Variants in PRR12 observed in about 807,000 individuals in gnomAD.
PRR12 encodes proline rich 12.
In PRR12, 12 loss-of-function variants were observed where a neutral mutation model predicts 138.0. The ratio of observed to expected loss-of-function variants is 0.09; its 90% CI spans 0.06 to 0.14. The LOEUF is 0.14. PRR12 is among the 10% of genes least tolerant of loss of function. PRR12 has a pLI of 1.00. For missense variants in PRR12, 2,692 were observed against 2,861.3 expected (o/e 0.94, Z 1.35); for synonymous variants, 1,567 against 1,291.7 (o/e 1.21, Z -4.57).
Position 49,597,545 on chromosome 19 carries a change from G to A in PRR12, c.3210G>A (p.Lys1070=). 6.3e-7 allele frequency: 1 copy of A among 1,581,458 alleles called. No individual in the cohort carries two copies. Among genetic ancestry groups the A allele is most frequent in the Non-Finnish European group, 8.6e-7 (1 of 1,166,052 alleles). ...CCATCTTCTGCTCTACCAAGCCAAAGAAGCTGCTCAAGACATCCTCCTTCC... is the reference window on the plus strand; with the variant it reads ...CCATCTTCTGCTCTACCAAGCCAAAAAAGCTGCTCAAGACATCCTCCTTCC... The part of the protein sequence containing the change: ...TSPIFCSTKP[K]KLLKTSSFHL... The change falls in exon 4 of 14, where the codon AAG becomes AAA. Residue 1070 remains lysine (K), a synonymous_variant. Transcript: ENST00000418929. This position sits in a 1 kb window ranked among gnomAD's most constrained non-coding sequence, Gnocchi z 6.3.
At chr19:49,612,004 G>A (rs1234283279) in intron 6 of PRR12, among the ~76,000 whole-genome samples, 1 of 150,594 alleles carries the variant, frequency 6.6e-6, no homozygotes, top group Non-Finnish European at 1.5e-5. Context: ...AGGCCCAGGC[G>A]GGCGGATCAT....
chr19:49,619,712 T>G (rs2080911677), intron 9 of PRR12, among the ~76,000 whole-genome samples: 1 of 150,620 alleles, frequency 6.6e-6, no homozygotes, highest in South Asian at 2.1e-4. Context: ...CGGCTAATTT[T>G]GTATTTCTTA....
At chr19:49,598,957 G>T (rs1460700469) in intron 4 of PRR12, among the ~76,000 whole-genome samples, 2 of 152,130 alleles carry the variant, frequency 1.3e-5, no homozygotes, top group East Asian at 3.9e-4. Context: ...ACCTCACCCG[G>T]TCTGCTTGCT....
chr19:49,607,607 C>G (rs1244149492), intron 6 of PRR12, among the ~76,000 whole-genome samples: 2 of 151,752 alleles, frequency 1.3e-5, no homozygotes, highest in African/African-American at 4.8e-5. Flanking sequence ...ACCTGAGAGG[C>G]TCAGGTGGGA....
rs547414671 is a variant in PRR12, at chr19:49,597,037, C to A, written c.2702C>A (p.Pro901Gln). ...PPAPGDTGVG[P>Q]PNSEGKDPAG... is the part of the protein sequence containing the mutation. Reference sequence around the variant, plus strand: ...GCGCCTGGGGATACTGGCGTAGGCCCACCAAACTCGGAGGGCAAGGATCCC... The same window carrying A: ...GCGCCTGGGGATACTGGCGTAGGCCAACCAAACTCGGAGGGCAAGGATCCC... Residue 901 changes from proline to glutamine, a missense_variant, in exon 4 of 14, where the codon CCA becomes CAA. Around this residue, in one of 11 missense-constraint regions of PRR12, gnomAD observed 840 missense variants for 689.8 expected, o/e 1.22. Coordinates refer to ENST00000418929, the MANE Select transcript of PRR12 (RefSeq NM_020719.3). The surrounding 1 kb of genome is among the most constrained non-coding windows in gnomAD (Gnocchi z 6.3). The A allele has an allele frequency of 1.3e-6, 2 of 1,556,924 alleles. No individual in the cohort carries two copies. Among genetic ancestry groups the A allele is most frequent in the Admixed American group, 3.9e-5 (2 of 51,568 alleles).
At chr19:49,622,928 T>TATAGAGAGAGAGAGAGAG (rs1320368074) in intron 11 of PRR12, among the ~76,000 whole-genome samples, 1 of 77,760 alleles carries the variant, frequency 1.3e-5, no homozygotes, top group Non-Finnish European at 2.3e-5. Flanking sequence ...TATATATATA[T>TATAGAGAGAGAGAGAGAG]AGAGAGAGAG....
intron 6 of PRR12, among the ~76,000 whole-genome samples, chr19:49,610,605 C>CG (rs2080861108): frequency 7.1e-6 from 1 of 140,692 alleles, no homozygotes; most frequent in Non-Finnish European, 1.5e-5. Context: ...TGCTGTGGCG[C>CG]GATCTCAGCT....
At chr19:49,598,307 C>A (rs557314936) in intron 4 of PRR12, among the ~76,000 whole-genome samples, 3 of 152,142 alleles carry the variant, frequency 2.0e-5, no homozygotes, top group South Asian at 4.2e-4. Flanking sequence ...ATCTCCTGGC[C>A]TCGTGATCCA....
chr19:49,608,702 TG>T (rs2080850487), intron 6 of PRR12, among the ~76,000 whole-genome samples: 1 of 151,986 alleles, frequency 6.6e-6, no homozygotes, highest in Non-Finnish European at 1.5e-5. Context: ...TAACCAGACA[TG>T]GTGGTGCCCA....
chr19:49,602,055 T>C, intron 6 of PRR12, 137 bp downstream of exon 6: 1 of 1,092,616 alleles, frequency 9.2e-7, no homozygotes, highest in South Asian at 1.6e-5. Flanking sequence ...TGCAGTCCTA[T>C]GGGGCTGATA....
chr19:49,596,804 CCTT>C lies in PRR12; in HGVS notation c.2470_2472del (p.Leu824del). On this transcript the variant is annotated inframe_deletion, in exon 4 of 14. Transcript: ENST00000418929. This position sits in a 1 kb window ranked among gnomAD's most constrained non-coding sequence, Gnocchi z 5.6. The stretch of plus-strand genomic sequence containing the variant: ...GCGCCTCCAAAGTCGGCGTCCACCT[CCTT>C]GAGCCAGCCACCCGCGATGGGGCAC... The C allele has an allele frequency of 3.7e-6, 6 of 1,600,458 alleles. No homozygotes were observed. Among genetic ancestry groups the C allele is most frequent in the Non-Finnish European group, 4.2e-6 (5 of 1,179,214 alleles).
chr19:49,616,313 C>T lies in PRR12; in HGVS notation c.5497+94C>T, dbSNP rs920663182. 1 of 1,089,834 alleles carries T rather than the reference C, an allele frequency of 9.2e-7. No individual in the cohort carries two copies. 67.5% of individuals were successfully genotyped at this position (1,089,834 alleles called of 1,614,324 possible). On this transcript the variant is annotated intron_variant, in intron 9 of 13. Coordinates refer to ENST00000418929, the MANE Select transcript of PRR12 (RefSeq NM_020719.3). The surrounding 1 kb of genome is among the most constrained non-coding windows in gnomAD (Gnocchi z 4.2). ...AGGGCTCCAGGTAGCCTTGGCAGGA[C>T]AGTAAGAACCAGTATGTTACAGATA...
rs200327084 is a variant in PRR12, at chr19:49,625,067, C to T, written c.5869-38C>T. 2.4e-5 allele frequency: 38 copies of T among 1,611,950 alleles called. No individual in the cohort carries two copies. The highest frequency in any genetic ancestry group is 1.7e-4 in the Middle Eastern group (1 of 6,054). On this transcript the variant is annotated intron_variant, in intron 12 of 13. Transcript: ENST00000418929. The surrounding 1 kb of genome is among the most constrained non-coding windows in gnomAD (Gnocchi z 5.5). Reference sequence around the variant, plus strand: ...AGGGAGGAGAGGGGCTGCCAAGTGCCGGGCTGGAGGGGCTGAGGCATCTCC... The same window carrying T: ...AGGGAGGAGAGGGGCTGCCAAGTGCTGGGCTGGAGGGGCTGAGGCATCTCC...
intron 6 of PRR12, among the ~76,000 whole-genome samples, chr19:49,608,029 A>G (rs1448586579): frequency 1.3e-5 from 2 of 152,174 alleles, no homozygotes; most frequent in Non-Finnish European, 2.9e-5. Flanking sequence ...CAAAAAAAGT[A>G]AAAGAAAAAC....
Position 49,625,355 on chromosome 19 carries a change from C to A in PRR12, c.5965-106C>A. ...TAAGAATGCAGCCCCCAGCCCTGGT[C>A]TCCCTGGGACACTGACATCTGACAC... is the stretch of plus-strand genomic sequence containing the variant. On this transcript the variant is annotated intron_variant, in intron 13 of 13. Transcript: ENST00000418929. The surrounding 1 kb of genome is among the most constrained non-coding windows in gnomAD (Gnocchi z 5.5). 7.0e-7 allele frequency: 1 copy of A among 1,434,330 alleles called. No homozygotes were observed. Among genetic ancestry groups the A allele is most frequent in the Admixed American group, 2.1e-5 (1 of 47,128 alleles). The allele number at this position is 1,434,330 out of a possible 1,614,324, so 88.9% of individuals were successfully genotyped here. A position where few individuals can be genotyped will look rare whatever the true frequency, so the allele number is the denominator to read the frequency against.
chr19:49,605,973 C>T (rs10409197), intron 6 of PRR12, among the ~76,000 whole-genome samples: 6,069 of 152,296 alleles, frequency 0.04, 143 homozygotes, highest in South Asian at 0.12. Context: ...ACCTGACTGA[C>T]TCAAATCTCT....
At chr19:49,600,028 G>A in intron 5 of PRR12, 90 bp downstream of exon 5, 2 of 1,321,674 alleles carry the variant, frequency 1.5e-6, no homozygotes, top group East Asian at 2.5e-5. Flanking sequence ...CTGTTTAAGA[G>A]ACACCATTCA....
In PRR12 at chr19:49,595,969, G is replaced by T. The variant is rs770988597; in HGVS notation, c.1634G>T (p.Gly545Val). The T allele has an allele frequency of 6.2e-7, 1 of 1,600,510 alleles. No homozygotes were observed. The highest frequency in any genetic ancestry group is 8.5e-7 in the Non-Finnish European group (1 of 1,179,648). The change falls in exon 4 of 14, where the codon GGG (glycine) becomes GTG (valine). Residue 545 changes from glycine to valine, a missense_variant. Gly to Val is a moderately radical substitution (Grantham distance 109). Coordinates refer to ENST00000418929, the MANE Select transcript of PRR12 (RefSeq NM_020719.3). Reference protein sequence around the residue: ...TGHSPALSGHGGGWGPSSLGG... With the variant: ...TGHSPALSGHVGGWGPSSLGG... Reference sequence around the variant, plus strand: ...CATTCCCCAGCGCTCTCGGGCCATGGGGGTGGCTGGGGACCCAGCTCCCTG... The same window carrying T: ...CATTCCCCAGCGCTCTCGGGCCATGTGGGTGGCTGGGGACCCAGCTCCCTG...
Position 49,614,642 on chromosome 19 carries a change from C to G in PRR12, c.4883C>G (p.Thr1628Ser). Reference protein sequence around the residue: ...IKDGQRQFCATSNYLGYFGDA... With the variant: ...IKDGQRQFCASSNYLGYFGDA... ...GACGGCCAGAGGCAGTTTTGTGCCA[C>G]CAGTAATGTAAGCCTGCAAAGGGGA... Residue 1628 changes from threonine (T) to serine (S), a missense_variant, in exon 7 of 14, where the codon ACC becomes AGC. By Grantham distance (58) the Thr-to-Ser change is moderately conservative. Transcript: ENST00000418929. This position sits in a 1 kb window ranked among gnomAD's most constrained non-coding sequence, Gnocchi z 5.0. 1 of 1,559,280 alleles carries G rather than the reference C, an allele frequency of 6.4e-7. No individual in the cohort carries two copies. Among genetic ancestry groups the G allele is most frequent in the Non-Finnish European group, 8.7e-7 (1 of 1,151,506 alleles).
Sources: allele counts gnomAD v4.1 joint callset (sites outside exome capture counted in the v4.1 genomes callset), GRCh38; gene constraint gnomAD v4.1.1; regional missense constraint gnomAD v4.1.1; non-coding constraint Gnocchi (gnomAD v3.1); transcripts MANE v1.5; gene names NCBI Gene and HGNC (gene_info 2026-07-23, HGNC 2026-07-21).